Variants in PDE2A observed in about 807,000 individuals in gnomAD.
PDE2A encodes the protein phosphodiesterase 2A.
In PDE2A, 53 loss-of-function variants were observed where a neutral mutation model predicts 133.6. That is an observed-to-expected ratio of 0.40 (90% CI 0.32 to 0.50). The LOEUF (loss-of-function observed/expected upper bound fraction) is 0.50, where lower values mean the gene tolerates loss of function less well. PDE2A is among the 20% of genes least tolerant of loss of function. PDE2A has a pLI of 0.73. For missense variants in PDE2A, 796 were observed against 1,232.4 expected (o/e 0.65, Z 5.30); for synonymous variants, 491 against 490.2 (o/e 1.00, Z -0.02).
chr11:72,595,247 G>A (rs1007689796), intron 6 of PDE2A, among the ~76,000 whole-genome samples: 1 of 152,174 alleles, frequency 6.6e-6, no homozygotes, highest in African/African-American at 2.4e-5. Context: ...GCCCTCAGCA[G>A]AGAAGGAGGT....
chr11:72,591,515 A>G (rs975151901), intron 6 of PDE2A, among the ~76,000 whole-genome samples, 159 bp from the exon 7 acceptor site: 21 of 152,172 alleles, frequency 1.4e-4, no homozygotes, highest in Non-Finnish European at 1.5e-5. Flanking sequence ...CCACTCAGAC[A>G]GCTCCAGGAA....
chr11:72,659,924 C>T (rs775443116), intron 1 of PDE2A, among the ~76,000 whole-genome samples: 1 of 152,210 alleles, frequency 6.6e-6, no homozygotes, highest in Non-Finnish European at 1.5e-5. Flanking sequence ...CCCTGCCTGG[C>T]TGCACTGCCT....
chr11:72,589,847 C>T (rs1015761103), intron 10 of PDE2A, 55 bp from the exon 11 acceptor site: 4 of 1,608,060 alleles, frequency 2.5e-6, no homozygotes, highest in Non-Finnish European at 3.4e-6. Flanking sequence ...ATTTCCCCCT[C>T]GGAGACCCGA....
chr11:72,603,834 G>A (rs1041613899), intron 4 of PDE2A, among the ~76,000 whole-genome samples: 2 of 152,210 alleles, frequency 1.3e-5, no homozygotes, highest in African/African-American at 4.8e-5. Flanking sequence ...TGGGAAGGTG[G>A]CTATCAGAGC....
At chr11:72,624,918 G>A (rs771466445) in intron 2 of PDE2A, among the ~76,000 whole-genome samples, 1 of 152,136 alleles carries the variant, frequency 6.6e-6, no homozygotes, top group Non-Finnish European at 1.5e-5. Flanking sequence ...TGTGCAGAAC[G>A]CCCCCTGTCC....
intron 6 of PDE2A, 48 bp downstream of exon 6, chr11:72,596,545 T>A: frequency 9.0e-7 from 1 of 1,111,994 alleles, no homozygotes; most frequent in Non-Finnish European, 1.2e-6. Flanking sequence ...CACCACTCCC[T>A]CCCATGGTCT....
intron 1 of PDE2A, among the ~76,000 whole-genome samples, chr11:72,673,469 C>T (rs917421042): frequency 1.2e-4 from 18 of 151,964 alleles, no homozygotes; most frequent in African/African-American, 3.4e-4. Flanking sequence ...GTCGCCACGG[C>T]GCCCCCCACT....
intron 2 of PDE2A, among the ~76,000 whole-genome samples, chr11:72,640,977 T>C (rs750000522): frequency 6.6e-6 from 1 of 152,108 alleles, no homozygotes; most frequent in South Asian, 2.1e-4. Context: ...GACACATTCA[T>C]ACACGGCACA....
In PDE2A at chr11:72,642,445, C is replaced by T. The variant is rs1858999479; in HGVS notation, c.72-119G>A. 5 of 1,138,396 alleles carry T rather than the reference C, an allele frequency of 4.4e-6. No individual in the cohort carries two copies. The African/African-American group carries it at 4.9e-5, about 11-fold the overall frequency. 70.5% of individuals were successfully genotyped at this position (1,138,396 alleles called of 1,614,324 possible). A position where few individuals can be genotyped will look rare whatever the true frequency, so the allele number is the denominator to read the frequency against. On this transcript the variant is annotated intron_variant, in intron 1 of 30. Transcript: ENST00000334456. ...GGTCAGCGCGTCCGCGACAGCTTCG[C>T]CTGGTCCGCCCGAGTGTCCGCCCCG...
intron 6 of PDE2A, among the ~76,000 whole-genome samples, chr11:72,592,632 A>C (rs1322742841): frequency 1.3e-5 from 2 of 152,132 alleles, no homozygotes; most frequent in African/African-American, 4.8e-5. Context: ...GGATCCAGGT[A>C]GGGGTGTGGT....
Position 72,584,623 on chromosome 11 carries a change from G to A in PDE2A, c.1465C>T (p.Arg489Cys). The change falls in exon 18 of 31, where the codon CGC (arginine) becomes TGC (cysteine). Residue 489 changes from arginine (R) to cysteine (C), a missense_variant. Transcript: ENST00000334456. ...PDAYAHPLFY[R>C]GVDDSTGFRT... ...AAGCCGGTGCTGTCGTCCACGCCGC[G>A]GTAGAAAAGCGGATGGGCATATGCG... 1 of 1,613,080 alleles carries A rather than the reference G, an allele frequency of 6.2e-7. No individual in the cohort carries two copies. Among genetic ancestry groups the A allele is most frequent in the Non-Finnish European group, 8.5e-7 (1 of 1,180,028 alleles).
chr11:72,600,667 G>A (rs749693335), intron 4 of PDE2A, among the ~76,000 whole-genome samples: 42 of 152,114 alleles, frequency 2.8e-4, no homozygotes, highest in Admixed American at 5.9e-4. Context: ...ACTCAGAGCC[G>A]CTCCCTGCTC....
In PDE2A at chr11:72,582,446, T is replaced by C. The variant is rs117468012; in HGVS notation, c.1849A>G (p.Met617Val). ...TCAAGTGGAGGAGAGCAACTCACCA[T>C]GGACGTGTCATCCTCGGGCAGGGAA... The part of the protein sequence containing the change: ...PRSLPEDDTS[M>V]AILSMLQDMN... The change falls in exon 21 of 31, where the codon ATG (methionine) becomes GTG (valine). Residue 617 changes from methionine to valine, a missense_variant and splice_region_variant. By Grantham distance (21) the Met-to-Val change is conservative. Around this residue, in one of 7 missense-constraint regions of PDE2A, gnomAD observed 218 missense variants for 465.9 expected, o/e 0.47. Coordinates refer to ENST00000334456, the MANE Select transcript of PDE2A (RefSeq NM_002599.5). 2.2e-4 allele frequency: 363 copies of C among 1,613,914 alleles called. No individual in the cohort carries two copies. Among genetic ancestry groups the C allele is most frequent in the South Asian group, 3.0e-4 (27 of 91,052 alleles).
chr11:72,615,844 G>A (rs1004674243), intron 2 of PDE2A, among the ~76,000 whole-genome samples: 3 of 152,302 alleles, frequency 2.0e-5, no homozygotes, highest in Admixed American at 1.3e-4. Flanking sequence ...AATCAGAGTC[G>A]CGCCACAAAA....
chr11:72,601,366 G>A (rs76749522), intron 4 of PDE2A, among the ~76,000 whole-genome samples: 736 of 70,578 alleles, frequency 0.01, 5 homozygotes, highest in Non-Finnish European at 0.016. Context: ...GAGCCCCCAG[G>A]ACCTGGACCC....
intron 1 of PDE2A, among the ~76,000 whole-genome samples, chr11:72,662,722 C>T (rs1250052634): frequency 6.6e-6 from 1 of 152,178 alleles, no homozygotes; most frequent in African/African-American, 2.4e-5. Flanking sequence ...TAGCGGCTGT[C>T]ACCCCTCCTC....
chr11:72,651,472 C>G (rs554173720), intron 1 of PDE2A, among the ~76,000 whole-genome samples: 1 of 152,256 alleles, frequency 6.6e-6, no homozygotes, highest in South Asian at 2.1e-4. Flanking sequence ...GGAAGGGGCA[C>G]GCAGGGAGAG....
intron 16 of PDE2A, 123 bp from the exon 17 acceptor site, chr11:72,585,067 C>A: frequency 1.1e-6 from 1 of 900,226 alleles, no homozygotes; most frequent in Non-Finnish European, 1.8e-6. Flanking sequence ...GTAAGACACT[C>A]TGCTCAGGGC....
At chr11:72,582,403 T>C (rs199681718) in intron 21 of PDE2A, 41 bp downstream of exon 21, 29 of 1,598,194 alleles carry the variant, frequency 1.8e-5, no homozygotes, top group Non-Finnish European at 2.4e-5. Context: ...TCTGGCTACA[T>C]ACCTTCGGCC....
Sources: allele counts gnomAD v4.1 joint callset (sites outside exome capture counted in the v4.1 genomes callset), GRCh38; gene constraint gnomAD v4.1.1; regional missense constraint gnomAD v4.1.1; transcripts MANE v1.5; gene names NCBI Gene and HGNC (gene_info 2026-07-23, HGNC 2026-07-21).